SKIC3: variants seen among roughly 807,000 people sequenced by gnomAD.
SKIC3 encodes the protein SKI3 subunit of superkiller complex.
the SKIC3 span, chr5:95,515,209 A>G: frequency 2.7e-6 from 1 of 377,106 alleles, no homozygotes. Context: ...CCAATCATCC[A>G]TCCATTAGAT....
At chr5:95,528,200 T>A in the SKIC3 span, 686 of 1,611,960 alleles carry the variant, frequency 4.3e-4, 2 homozygotes, top group African/African-American at 8.4e-3. Context: ...ATCACTTCTG[T>A]TTATTTTTTC....
the SKIC3 span, among the ~76,000 whole-genome samples, chr5:95,543,637 T>C: frequency 3.3e-5 from 5 of 152,180 alleles, no homozygotes; most frequent in Non-Finnish European, 7.4e-5. Context: ...AACTACTCAA[T>C]CATCCTGCCT....
chr5:95,464,398 C>A, the SKIC3 span: 1 of 495,138 alleles, frequency 2.0e-6, no homozygotes. Flanking sequence ...TCTGGTTTTC[C>A]CAAATTAAAT....
At chr5:95,523,123 G>T in the SKIC3 span, 1 of 1,571,518 alleles carries the variant, frequency 6.4e-7, no homozygotes, top group Non-Finnish European at 8.7e-7. Context: ...ATACAACCTG[G>T]TAAGAGACAA....
chr5:95,498,269 T>C, the SKIC3 span: 1 of 1,262,616 alleles, frequency 7.9e-7, no homozygotes, highest in Non-Finnish European at 1.1e-6. Flanking sequence ...GGTTTTCAAA[T>C]GTATATTCTT....
the SKIC3 span, chr5:95,506,828 A>T: frequency 1.8e-6 from 2 of 1,136,334 alleles, no homozygotes; most frequent in Non-Finnish European, 2.6e-6. Context: ...TATGTATCCT[A>T]CATGTACCAG....
chr5:95,523,432 T>C, the SKIC3 span: 1 of 1,332,490 alleles, frequency 7.5e-7, no homozygotes, highest in South Asian at 1.3e-5. Context: ...TCTGATTTTT[T>C]AAACTTACAC....
chr5:95,544,143 C>T, the SKIC3 span, among the ~76,000 whole-genome samples: 2 of 152,228 alleles, frequency 1.3e-5, no homozygotes, highest in African/African-American at 4.8e-5. Flanking sequence ...TCCATTCTAT[C>T]TGTGAACACA....
the SKIC3 span, chr5:95,517,104 A>G: frequency 6.2e-7 from 1 of 1,613,520 alleles, no homozygotes; most frequent in South Asian, 1.1e-5. Context: ...CAATGCCTTA[A>G]TTCAATTCAA....
the SKIC3 span, among the ~76,000 whole-genome samples, chr5:95,499,122 A>G: frequency 6.6e-6 from 1 of 152,120 alleles, no homozygotes; most frequent in African/African-American, 2.4e-5. Flanking sequence ...CAAAAGCCAA[A>G]CTTATTTTCT....
the SKIC3 span, chr5:95,516,629 TAC>T: frequency 6.2e-7 from 1 of 1,613,170 alleles, no homozygotes; most frequent in Non-Finnish European, 8.5e-7. Context: ...TTGTTTGAAA[TAC>T]ACAATCTTCT....
the SKIC3 span, among the ~76,000 whole-genome samples, chr5:95,547,738 T>C: frequency 6.6e-6 from 1 of 152,102 alleles, no homozygotes; most frequent in Non-Finnish European, 1.5e-5. Context: ...TCCCACTCTA[T>C]ACAAAGCTAG....
the SKIC3 span, among the ~76,000 whole-genome samples, chr5:95,490,512 T>C: frequency 6.7e-6 from 1 of 148,198 alleles, no homozygotes. Context: ...ATATTTTTTT[T>C]TTTGAGACGG....
the SKIC3 span, among the ~76,000 whole-genome samples, chr5:95,465,592 C>A: frequency 0.24 from 36,634 of 152,058 alleles, 5,769 homozygotes; most frequent in African/African-American, 0.44. Flanking sequence ...CCAGAAGATA[C>A]AGGATTTTTA....
chr5:95,475,269 C>T, the SKIC3 span, among the ~76,000 whole-genome samples: 4 of 152,218 alleles, frequency 2.6e-5, no homozygotes, highest in Middle Eastern at 3.4e-3. Context: ...CTAAATCTCA[C>T]GTTGAACTGT....
At chr5:95,532,725 CAGTT>C in the SKIC3 span, among the ~76,000 whole-genome samples, 1 of 152,036 alleles carries the variant, frequency 6.6e-6, no homozygotes, top group Non-Finnish European at 1.5e-5. Flanking sequence ...AACTTTAAAA[CAGTT>C]AGACAATATT....
At chr5:95,474,887 G>A in the SKIC3 span, among the ~76,000 whole-genome samples, 103 of 152,266 alleles carry the variant, frequency 6.8e-4, no homozygotes, top group Middle Eastern at 3.4e-3. Context: ...TCCTCAGCTT[G>A]ATGTATTCTT....
the SKIC3 span, chr5:95,522,177 C>T: frequency 6.2e-7 from 1 of 1,613,838 alleles, no homozygotes; most frequent in Non-Finnish European, 8.5e-7. Context: ...TATATGGATT[C>T]TGGGTTCAGC....
At chr5:95,467,826 A>G in the SKIC3 span, 107 of 1,611,750 alleles carry the variant, frequency 6.6e-5, no homozygotes, top group Admixed American at 1.7e-5. Flanking sequence ...TTTAAATAAA[A>G]TCAATGCCTC....
Sources: gnomAD v4.1 joint callset for allele counts (sites outside exome capture counted in the v4.1 genomes callset) on GRCh38, gnomAD v4.1.1 for gene constraint, MANE v1.5 for transcripts, NCBI Gene and HGNC (gene_info 2026-07-23, HGNC 2026-07-21) for gene names.